The following IKBKB variants were observed in gnomAD, a reference collection of about 807,000 sequenced individuals.
The protein encoded by IKBKB is inhibitor of nuclear factor kappa B kinase subunit beta.
IKBKB carries 42 observed loss-of-function variants against 113.6 expected under a neutral mutation model. The ratio of observed to expected loss-of-function variants is 0.37; its 90% confidence interval spans 0.29 to 0.48. The LOEUF (loss-of-function observed/expected upper bound fraction) is 0.48, where lower values mean the gene tolerates loss of function less well. IKBKB is among the 20% of genes least tolerant of loss of function. The pLI, the probability that IKBKB is intolerant of heterozygous loss-of-function variation, is 0.99. For missense variants in IKBKB, 673 were observed against 939.7 expected (o/e 0.72, Z 3.71); for synonymous variants, 296 against 361.3 (o/e 0.82, Z 2.05).
At chr8:42,271,879 C>T (rs942204928) in intron 1 of IKBKB, 1 of 588,128 alleles carries the variant, frequency 1.7e-6, no homozygotes, top group Admixed American at 3.5e-5. Context: ...CCACAGCAAC[C>T]GGATGGGGGA....
intron 7 of IKBKB, 21 bp downstream of exon 7, chr8:42,306,453 G>A (rs200911368): frequency 1.6e-5 from 25 of 1,533,088 alleles, no homozygotes; most frequent in Non-Finnish European, 2.1e-5. Context: ...GGCCTTGCCT[G>A]TTTGCCTGTC....
At chr8:42,288,601 G>T (rs752277472) in intron 2 of IKBKB, 33 bp from the exon 3 acceptor site, 2 of 1,564,098 alleles carry the variant, frequency 1.3e-6, no homozygotes, top group Admixed American at 1.7e-5. Context: ...CCTGCAGCTC[G>T]CTCTGCTGGT....
intron 15 of IKBKB, 155 bp downstream of exon 15, chr8:42,319,801 C>T: frequency 1.5e-6 from 1 of 647,138 alleles, no homozygotes. Context: ...GAAAAGAGGC[C>T]AAGAGAGTAG....
In IKBKB at chr8:42,306,345, A is replaced by G. The variant is rs17875704; in HGVS notation, c.480A>G (p.Leu160=). The change falls in exon 7 of 22, where the codon TTA becomes TTG. Residue 160 remains leucine (L), a splice_region_variant and synonymous_variant. Transcript: ENST00000520810. Reference sequence around the variant, plus strand: ...CTTTCTCCTTCCTTTTGTTTTAGTTAATACACAAAATTATTGACCTAGGAT... The same window carrying G: ...CTTTCTCCTTCCTTTTGTTTTAGTTGATACACAAAATTATTGACCTAGGAT... The part of the protein sequence containing the change: ...NIVLQQGEQR[L]IHKIIDLGYA... The G allele has an allele frequency of 2.2e-4, 350 of 1,596,944 alleles. 1 individual carries two copies. In the African/African-American group the frequency reaches 3.9e-3, roughly 18 times the overall value.
chr8:42,289,381 AAC>A (rs1812095474), intron 3 of IKBKB, among the ~76,000 whole-genome samples: 1 of 152,222 alleles, frequency 6.6e-6, no homozygotes, highest in South Asian at 2.1e-4. Flanking sequence ...TAAATAAGTT[AAC>A]ACAGTTATCA....
intron 20 of IKBKB, chr8:42,326,369 C>T (rs1324326033): frequency 5.0e-6 from 2 of 402,946 alleles, no homozygotes; most frequent in African/African-American, 4.1e-5. Context: ...ATGCTGTTAC[C>T]CTTTATCCAT....
chr8:42,282,148 G>A (rs1339072429), intron 2 of IKBKB, among the ~76,000 whole-genome samples: 1 of 152,050 alleles, frequency 6.6e-6, no homozygotes, highest in Non-Finnish European at 1.5e-5. Flanking sequence ...CCCTTTCTCC[G>A]TTTTCTCAAA....
intron 2 of IKBKB, among the ~76,000 whole-genome samples, chr8:42,282,821 C>G (rs544058888): frequency 3.6e-4 from 55 of 152,300 alleles, no homozygotes; most frequent in African/African-American, 1.3e-3. Context: ...TGAAACATTA[C>G]TCATGGAAAA....
Position 42,288,110 on chromosome 8 carries a change from G to A in IKBKB, c.106-524G>A, listed in dbSNP as rs1026081015. Among the ~76,000 whole-genome samples the A allele has an allele frequency of 3.9e-5, 6 of 152,088 alleles. No homozygotes were observed. In the South Asian group the frequency reaches 1.0e-3, roughly 26 times the overall value. On this transcript the variant is annotated intron_variant, in intron 2 of 21. Coordinates refer to ENST00000520810, the MANE Select transcript of IKBKB (RefSeq NM_001556.3). Reference sequence around the variant, plus strand: ...GATAGAAATGAGGTGGGAGAGGCTGGGTGCGGTGGCTCACGTCTGTAATCC... The same window carrying A: ...GATAGAAATGAGGTGGGAGAGGCTGAGTGCGGTGGCTCACGTCTGTAATCC...
rs141935993 is a variant in IKBKB at position 42,309,942 on chromosome 8, A to G, written c.692+917A>G. Reference sequence around the variant, plus strand: ...CATTGTGCAGGATATGTTTATATAAAAGTTAATTATCACCACCAAAAATGG... The same window carrying G: ...CATTGTGCAGGATATGTTTATATAAGAGTTAATTATCACCACCAAAAATGG... On this transcript the variant is annotated intron_variant, in intron 8 of 21. Coordinates refer to ENST00000520810, the MANE Select transcript of IKBKB (RefSeq NM_001556.3). Among the ~76,000 whole-genome samples, 295 of 152,310 alleles carry G rather than the reference A, an allele frequency of 1.9e-3. 3 individuals are homozygous for G. In the Middle Eastern group the frequency reaches 0.024, roughly 12 times the overall value.
Position 42,320,656 on chromosome 8 carries a change from T to C in IKBKB, c.1579-79T>C, listed in dbSNP as rs1032325968. 4.3e-6 allele frequency: 5 copies of C among 1,158,984 alleles called. 1 individual carries two copies. The highest frequency in any genetic ancestry group is 3.8e-5 in the South Asian group (3 of 79,272). The allele number at this position is 1,158,984 out of a possible 1,614,324, so 71.8% of individuals were successfully genotyped here. On this transcript the variant is annotated intron_variant, in intron 15 of 21. Coordinates refer to ENST00000520810, the MANE Select transcript of IKBKB (RefSeq NM_001556.3). ...TCCTCAGGGAATGTGGCGGGTCCCC[T>C]GGTCTCGCTCCCCCGCAGATCTTGC...
chr8:42,319,439 A>G lies in IKBKB; in HGVS notation c.1516+18A>G. 1 of 1,614,124 alleles carries G rather than the reference A, an allele frequency of 6.2e-7. No individual in the cohort carries two copies. Among genetic ancestry groups the G allele is most frequent in the Non-Finnish European group, 8.5e-7 (1 of 1,179,932 alleles). ...TGGGATCAGTGAGTGTGCACTTTGC[A>G]ATGAGTTTAAAGACACCATTTTTTT... On this transcript the variant is annotated intron_variant, in intron 14 of 21. Coordinates refer to ENST00000520810, the MANE Select transcript of IKBKB (RefSeq NM_001556.3).
At chr8:42,278,462 G>A (rs17875742) in intron 2 of IKBKB, among the ~76,000 whole-genome samples, 11 of 152,248 alleles carry the variant, frequency 7.2e-5, no homozygotes, top group South Asian at 4.1e-4. Flanking sequence ...ATCAGCTCTC[G>A]GAAGAAATGC....
chr8:42,290,343 A>G (rs1296408085), intron 4 of IKBKB, 70 bp downstream of exon 4: 48 of 1,020,424 alleles, frequency 4.7e-5, no homozygotes, highest in Non-Finnish European at 7.0e-5. Context: ...AGGGATGGGG[A>G]GACCTTTCAC....
Position 42,321,934 on chromosome 8 carries a change from A to G in IKBKB, c.1727A>G (p.Glu576Gly), listed in dbSNP as rs1370365336. 5.0e-6 allele frequency: 8 copies of G among 1,613,108 alleles called. No homozygotes were observed. Among genetic ancestry groups the G allele is most frequent in the Non-Finnish European group, 1.7e-6 (2 of 1,179,428 alleles). ...AGGGAGCTGTACAGGAGACTAAGGG[A>G]AAAACCTCGAGGTAAGTGGGGTTCT... ...QARELYRRLR[E>G]KPRDQRTEGD... is the part of the protein sequence containing the mutation. Residue 576 changes from glutamate (E) to glycine (G), a missense_variant, in exon 17 of 22, where the codon GAA becomes GGA. This residue lies in a region of IKBKB where 506 missense variants were observed against 638.7 expected (regional missense o/e 0.79). Transcript: ENST00000520810.
chr8:42,290,336 G>A, intron 4 of IKBKB, 63 bp downstream of exon 4: 1 of 1,141,670 alleles, frequency 8.8e-7, no homozygotes, highest in Non-Finnish European at 1.3e-6. Flanking sequence ...CAGGAAGAGG[G>A]ATGGGGAGAC....
chr8:42,314,199 G>A, intron 8 of IKBKB, 123 bp from the exon 9 acceptor site: 1 of 756,666 alleles, frequency 1.3e-6, no homozygotes, highest in Non-Finnish European at 2.4e-6. Flanking sequence ...TCTGTAGTAG[G>A]CTAAACCATC....
At chr8:42,325,870 T>C in intron 19 of IKBKB, 100 bp from the exon 20 acceptor site, 1 of 1,559,288 alleles carries the variant, frequency 6.4e-7, no homozygotes, top group Middle Eastern at 1.7e-4. Context: ...AGCTCTGGCC[T>C]CTGGCAGCCA....
intron 5 of IKBKB, among the ~76,000 whole-genome samples, chr8:42,295,166 TG>T (rs201014535): frequency 1.5e-4 from 1 of 6,872 alleles, no homozygotes; most frequent in Non-Finnish European, 2.3e-4. Flanking sequence ...TTGCCCAGGC[TG>T]GTGTTGCAGT....
Sources: allele counts gnomAD v4.1 joint callset (sites outside exome capture counted in the v4.1 genomes callset), GRCh38; gene constraint gnomAD v4.1.1; regional missense constraint gnomAD v4.1.1; transcripts MANE v1.5; gene names NCBI Gene and HGNC (gene_info 2026-07-23, HGNC 2026-07-21).